C13orf46: variants seen among roughly 807,000 people sequenced by gnomAD.
The protein encoded by C13orf46 is chromosome 13 open reading frame 46.
At chr13:113,943,239 A>G in the C13orf46 span, among the ~76,000 whole-genome samples, 1 of 152,216 alleles carries the variant, frequency 6.6e-6, no homozygotes, top group Non-Finnish European at 1.5e-5. Context: ...GCCTGAGGAC[A>G]TGTGTCCAGG....
At chr13:113,968,207 CCTCTCAGGGCCT>C (rs1404896797) in intron 4 of C13orf46, among the ~76,000 whole-genome samples, 1 of 152,200 alleles carries the variant, frequency 6.6e-6, no homozygotes, top group Non-Finnish European at 1.5e-5. Context: ...GAGGGCACCT[CCTCTCAGGGCCT>C]CATACACCTT....
At chr13:113,973,657 G>A (rs1324704238) in intron 1 of C13orf46, among the ~76,000 whole-genome samples, 151 bp downstream of exon 1, 2 of 152,230 alleles carry the variant, frequency 1.3e-5, no homozygotes, top group Admixed American at 1.3e-4. Flanking sequence ...CACGTCGTTG[G>A]ACCTCCTGGG....
the C13orf46 span, among the ~76,000 whole-genome samples, chr13:113,944,288 G>T: frequency 6.6e-6 from 1 of 152,128 alleles, no homozygotes; most frequent in African/African-American, 2.4e-5. Flanking sequence ...CTCACTGCCG[G>T]GACCCCCTCC....
At chr13:113,930,050 T>C in the C13orf46 span, among the ~76,000 whole-genome samples, 3 of 152,212 alleles carry the variant, frequency 2.0e-5, no homozygotes, top group East Asian at 1.9e-4. Context: ...GGTGCTTTTA[T>C]GCCACGTGCA....
chr13:113,932,018 TG>T, the C13orf46 span, among the ~76,000 whole-genome samples: 3 of 152,158 alleles, frequency 2.0e-5, no homozygotes, highest in African/African-American at 7.2e-5. Flanking sequence ...ATTTCTGTCC[TG>T]GGTAACACAG....
chr13:113,966,620 T>C (rs1213729130), intron 5 of C13orf46, among the ~76,000 whole-genome samples: 1 of 151,680 alleles, frequency 6.6e-6, no homozygotes, highest in African/African-American at 2.4e-5. Context: ...ATGATGGTCA[T>C]GATAGTGATG....
At chr13:113,951,824 C>T (rs1461778664), downstream of C13orf46, among the ~76,000 whole-genome samples, 2 of 152,232 alleles carry the variant, frequency 1.3e-5, no homozygotes, top group African/African-American at 2.4e-5. Flanking sequence ...CCAGAGGGAA[C>T]GGGGCTCCAA....
At chr13:113,945,617 AAAG>A in the C13orf46 span, among the ~76,000 whole-genome samples, 1 of 109,650 alleles carries the variant, frequency 9.1e-6, no homozygotes, top group Admixed American at 9.1e-5. Context: ...AGAAAGAAAG[AAAG>A]AAAGAAAGAA....
chr13:113,944,640 G>A, the C13orf46 span, among the ~76,000 whole-genome samples: 1 of 143,372 alleles, frequency 7.0e-6, no homozygotes, highest in Non-Finnish European at 1.5e-5. Flanking sequence ...CCCTCCAGGT[G>A]TGTGACAAGT....
At chr13:113,941,812 G>A in the C13orf46 span, among the ~76,000 whole-genome samples, 1 of 152,222 alleles carries the variant, frequency 6.6e-6, no homozygotes, top group African/African-American at 2.4e-5. Context: ...CCAGCGCCCT[G>A]GACGAGGTCT....
chr13:113,930,409 C>T, the C13orf46 span, among the ~76,000 whole-genome samples: 1 of 120,786 alleles, frequency 8.3e-6, no homozygotes, highest in Middle Eastern at 4.1e-3. Flanking sequence ...GGCGGGGGCG[C>T]AGGAGCACCG....
chr13:113,966,250 T>C (rs2052645907), intron 5 of C13orf46, among the ~76,000 whole-genome samples: 1 of 150,304 alleles, frequency 6.7e-6, no homozygotes, highest in Non-Finnish European at 1.5e-5. Flanking sequence ...ATAGTGGTGA[T>C]GGTGATGATG....
intron 1 of C13orf46, among the ~76,000 whole-genome samples, chr13:113,971,570 G>A (rs1403983858): frequency 5.3e-5 from 8 of 152,178 alleles, no homozygotes; most frequent in African/African-American, 9.7e-5. Context: ...GCTGCCCTCC[G>A]TGAGCGCTGG....
chr13:113,951,841 G>A (rs2052490065), downstream of C13orf46, among the ~76,000 whole-genome samples: 1 of 152,240 alleles, frequency 6.6e-6, no homozygotes. Flanking sequence ...CCAAGAGGCT[G>A]GGGACCGGCG....
Position 113,966,478 on chromosome 13 carries a change from GTGA to G in C13orf46, c.504+860_504+862del, listed in dbSNP as rs1163670038. Among the ~76,000 whole-genome samples, 437 of 151,256 alleles carry G rather than the reference GTGA, an allele frequency of 2.9e-3. 5 individuals are homozygous for G. Among genetic ancestry groups the G allele is most frequent in the African/African-American group, 9.1e-3 (376 of 41,146 alleles). ...GATGACGGTGGTGATGATTATAATGGTGATGATGATGGTGATGGTGATTATAAT... is the reference window on the plus strand; with the variant it reads ...GATGACGGTGGTGATGATTATAATGGTGATGATGGTGATGGTGATTATAAT... On this transcript the variant is annotated intron_variant, in intron 5 of 6. Coordinates refer to ENST00000636427, the MANE Select transcript of C13orf46 (RefSeq NM_001365455.2).
intron 6 of C13orf46, among the ~76,000 whole-genome samples, chr13:113,960,797 G>A (rs1337929267): frequency 1.3e-5 from 2 of 152,196 alleles, no homozygotes; most frequent in Non-Finnish European, 2.9e-5. Context: ...TGTGTCAGGC[G>A]AGGTTCCATC....
the C13orf46 span, among the ~76,000 whole-genome samples, chr13:113,942,154 C>G: frequency 6.6e-6 from 1 of 152,362 alleles, no homozygotes; most frequent in South Asian, 2.1e-4. Flanking sequence ...GAATCCACTA[C>G]TGTGGTCACT....
intron 6 of C13orf46, among the ~76,000 whole-genome samples, chr13:113,963,091 G>A (rs1036954242): frequency 2.1e-4 from 32 of 152,314 alleles, no homozygotes; most frequent in African/African-American, 7.0e-4. Context: ...ACCAGTCGGG[G>A]GCCGAGGGCT....
chr13:113,933,341 G>A, the C13orf46 span, among the ~76,000 whole-genome samples: 1 of 152,194 alleles, frequency 6.6e-6, no homozygotes, highest in East Asian at 1.9e-4. Context: ...ATGAGTAGTG[G>A]CCATAGATGA....
Sources: gnomAD v4.1 joint callset for allele counts (sites outside exome capture counted in the v4.1 genomes callset) on GRCh38, gnomAD v4.1.1 for gene constraint, MANE v1.5 for transcripts, NCBI Gene and HGNC (gene_info 2026-07-23, HGNC 2026-07-21) for gene names.